Variants in RPS6KA2 observed in about 807,000 individuals in gnomAD.
RPS6KA2 encodes the protein ribosomal protein S6 kinase A2, also known as ribosomal protein S6 kinase alpha-2.
RPS6KA2 carries 42 observed loss-of-function variants against 91.8 expected under a neutral mutation model. The ratio of observed to expected loss-of-function variants is 0.46; its 90% CI spans 0.36 to 0.59. RPS6KA2 has a LOEUF of 0.59. Ranked by LOEUF, RPS6KA2 falls within the 20% of genes least tolerant of loss-of-function variation. RPS6KA2 has a pLI of 0.00. For missense variants in RPS6KA2, 798 were observed against 978.5 expected (o/e 0.82, Z 2.46); for synonymous variants, 414 against 393.6 (o/e 1.05, Z -0.61).
At chr6:166,715,644 G>T (rs944724436) in intron 2 of RPS6KA2, among the ~76,000 whole-genome samples, 1 of 152,162 alleles carries the variant, frequency 6.6e-6, no homozygotes, top group Non-Finnish European at 1.5e-5. Context: ...ACACACCGAG[G>T]CTATCTGGTG....
chr6:166,577,510 C>A (rs1784872161), intron 1 of RPS6KA2, among the ~76,000 whole-genome samples: 1 of 152,230 alleles, frequency 6.6e-6, no homozygotes, highest in African/African-American at 2.4e-5. Flanking sequence ...CAATGGAGAT[C>A]ATTTTGGAGC....
chr6:166,796,991 G>A (rs891871167), intron 2 of RPS6KA2, among the ~76,000 whole-genome samples: 11 of 152,254 alleles, frequency 7.2e-5, no homozygotes, highest in South Asian at 2.1e-4. Flanking sequence ...TCTACACTGC[G>A]TTTCATTCTC....
At chr6:166,558,429 G>A (rs57841066) in intron 1 of RPS6KA2, among the ~76,000 whole-genome samples, 12,922 of 152,150 alleles carry the variant, frequency 0.085, 1,807 homozygotes, top group African/African-American at 0.29. Flanking sequence ...CAGTGACTCA[G>A]ATGTTAAAAC....
intron 1 of RPS6KA2, among the ~76,000 whole-genome samples, chr6:166,571,156 AC>A (rs1247753700): frequency 6.6e-6 from 1 of 152,206 alleles, no homozygotes; most frequent in African/African-American, 2.4e-5. Flanking sequence ...AGACCGAAGC[AC>A]TCCACACAGG....
intron 2 of RPS6KA2, among the ~76,000 whole-genome samples, chr6:166,831,486 A>G (rs1211400142): frequency 6.6e-6 from 1 of 152,068 alleles, no homozygotes; most frequent in East Asian, 1.9e-4. Context: ...TTCAGCTGTA[A>G]GGGCAGTGAG....
intron 1 of RPS6KA2, among the ~76,000 whole-genome samples, chr6:166,619,017 G>A (rs957266400): frequency 1.1e-4 from 16 of 149,624 alleles, no homozygotes; most frequent in African/African-American, 2.3e-4. Context: ...TCAGATTCGC[G>A]CACCAGCCCT....
intron 4 of RPS6KA2, 53 bp downstream of exon 4, chr6:166,510,224 C>T (rs1782412710): frequency 9.2e-7 from 1 of 1,082,506 alleles, no homozygotes. Flanking sequence ...TTTCTTTGAT[C>T]TGGAGAAGGT....
chr6:166,678,204 C>T (rs1788671471), intron 2 of RPS6KA2, among the ~76,000 whole-genome samples: 1 of 152,220 alleles, frequency 6.6e-6, no homozygotes, highest in Admixed American at 6.5e-5. Context: ...CTTACCTTCC[C>T]ACCTTATTTC....
chr6:166,515,973 C>T (rs1159974060), intron 3 of RPS6KA2, among the ~76,000 whole-genome samples: 1 of 152,230 alleles, frequency 6.6e-6, no homozygotes, highest in Non-Finnish European at 1.5e-5. Flanking sequence ...CCCACCTTTG[C>T]TTCGAGTTGT....
At chr6:166,615,634 C>T (rs968669274) in intron 1 of RPS6KA2, among the ~76,000 whole-genome samples, 5 of 152,172 alleles carry the variant, frequency 3.3e-5, no homozygotes, top group Non-Finnish European at 5.9e-5. Flanking sequence ...GTGCTCGCTC[C>T]GCTCATACCA....
intron 1 of RPS6KA2, among the ~76,000 whole-genome samples, chr6:166,858,525 G>A (rs1232223558): frequency 6.6e-6 from 1 of 152,242 alleles, no homozygotes; most frequent in Non-Finnish European, 1.5e-5. Flanking sequence ...CTAAATCAAT[G>A]AAGCGAGTGT....
At chr6:166,542,702 G>C (rs1382491067) in intron 1 of RPS6KA2, among the ~76,000 whole-genome samples, 5 of 152,214 alleles carry the variant, frequency 3.3e-5, no homozygotes, top group African/African-American at 1.2e-4. Flanking sequence ...GGAGCGGCTG[G>C]GAAGTGGGAG....
chr6:166,486,495 C>T (rs1476237822), intron 10 of RPS6KA2, among the ~76,000 whole-genome samples: 2 of 152,256 alleles, frequency 1.3e-5, no homozygotes, highest in Non-Finnish European at 2.9e-5. Context: ...TCTAAGGAAG[C>T]TGCCTCTGTC....
intron 8 of RPS6KA2, among the ~76,000 whole-genome samples, chr6:166,497,613 G>GC (rs1781836812): frequency 6.6e-6 from 1 of 152,228 alleles, no homozygotes; most frequent in Non-Finnish European, 1.5e-5. Flanking sequence ...CAAAGGACCA[G>GC]CGAGGCCCTG....
In RPS6KA2 at chr6:166,437,102, T is replaced by C. The variant is rs1583132794; in HGVS notation, c.1333-4612A>G. 6.6e-6 allele frequency among the ~76,000 whole-genome samples: 1 copy of C among 151,262 alleles called. No homozygotes were observed. The highest frequency in any genetic ancestry group is 2.1e-4 in the South Asian group (1 of 4,792). On this transcript the variant is annotated intron_variant, in intron 14 of 20. Coordinates refer to ENST00000265678, the MANE Select transcript of RPS6KA2 (RefSeq NM_021135.6). The surrounding 1 kb of genome is among the most constrained non-coding windows in gnomAD (Gnocchi z 4.3). ...ATTTGAGCAAGGTAAGGCTGGAGAG[T>C]GCTAACGCAGGAGTGGGCAGTGAGG... is the stretch of plus-strand genomic sequence containing the variant.
At chr6:166,598,228 C>T (rs1012562169) in intron 1 of RPS6KA2, among the ~76,000 whole-genome samples, 1 of 152,142 alleles carries the variant, frequency 6.6e-6, no homozygotes, top group South Asian at 2.1e-4. Flanking sequence ...TTTGTTGAAC[C>T]GTTCTGATTT....
intron 1 of RPS6KA2, among the ~76,000 whole-genome samples, chr6:166,567,599 A>G (rs1043311002): frequency 2.0e-5 from 3 of 152,228 alleles, no homozygotes; most frequent in African/African-American, 7.2e-5. Context: ...GGACTAGCTT[A>G]AAACAGAGAG....
At chr6:166,701,051 T>C in intron 2 of RPS6KA2, 2 of 1,401,238 alleles carry the variant, frequency 1.4e-6, no homozygotes, top group South Asian at 2.3e-5. Context: ...GCAATCTGTC[T>C]TTGGTTTGGC....
chr6:166,556,127 T>A (rs1456926643), intron 1 of RPS6KA2, among the ~76,000 whole-genome samples: 1 of 152,180 alleles, frequency 6.6e-6, no homozygotes, highest in East Asian at 1.9e-4. Flanking sequence ...GAGCAGTGAA[T>A]AGCCTGTTCC....
Sources: gnomAD v4.1 joint callset for allele counts (sites outside exome capture counted in the v4.1 genomes callset) on GRCh38, gnomAD v4.1.1 for gene constraint, Gnocchi (gnomAD v3.1) non-coding constraint, MANE v1.5 for transcripts, NCBI Gene and HGNC (gene_info 2026-07-23, HGNC 2026-07-21) for gene names.